The following FAM227B variants were observed in gnomAD, a reference collection of about 807,000 sequenced individuals.
FAM227B encodes the protein family with sequence similarity 227 member B.
In FAM227B, 88 loss-of-function variants were observed where a neutral mutation model predicts 73.8. The observed-to-expected ratio is 1.19, with a 90% CI of 1.00 to 1.42. FAM227B has a LOEUF of 1.42. Ranked by LOEUF, FAM227B falls within the 40% of genes most tolerant of loss-of-function variation. The pLI is 0.00. For missense variants in FAM227B, 632 were observed against 590.9 expected (o/e 1.07, Z -0.72); for synonymous variants, 210 against 190.5 (o/e 1.10, Z -0.84).
intron 13 of FAM227B, 118 bp from the exon 14 acceptor site, chr15:49,335,614 C>T (rs2039571971): frequency 1.6e-6 from 1 of 638,622 alleles, no homozygotes; most frequent in South Asian, 2.1e-5. Flanking sequence ...AATGAAGAGT[C>T]TCAAGTATAA....
At chr15:49,367,401 T>C (rs748839118) in intron 13 of FAM227B, 47 bp downstream of exon 13, 2 of 1,460,168 alleles carry the variant, frequency 1.4e-6, no homozygotes, top group Non-Finnish European at 1.8e-6. Context: ...GTTTTGAATA[T>C]TATTTTTGAA....
At chr15:49,566,820 A>G (rs577797968) in intron 9 of FAM227B, among the ~76,000 whole-genome samples, 23 of 152,260 alleles carry the variant, frequency 1.5e-4, no homozygotes, top group Non-Finnish European at 2.4e-4. Context: ...AACAACTTCT[A>G]ATTTCTTCTT....
At chr15:49,337,281 GT>G (rs1264261762) in intron 13 of FAM227B, among the ~76,000 whole-genome samples, 1 of 152,136 alleles carries the variant, frequency 6.6e-6, no homozygotes, top group African/African-American at 2.4e-5. Context: ...ACTTTTGACA[GT>G]GGCTGAACTA....
intron 1 of FAM227B, among the ~76,000 whole-genome samples, chr15:49,615,789 T>C (rs2078252056): frequency 1.3e-5 from 2 of 152,230 alleles, no homozygotes; most frequent in Non-Finnish European, 2.9e-5. Flanking sequence ...CTGGAGGTTC[T>C]ACTACGTCAC....
intron 10 of FAM227B, among the ~76,000 whole-genome samples, chr15:49,516,930 A>G (rs2059416263): frequency 6.6e-6 from 1 of 152,178 alleles, no homozygotes; most frequent in Non-Finnish European, 1.5e-5. Context: ...GTGATATGAG[A>G]TCAGACACTT....
chr15:49,565,306 C>T (rs181508418), intron 9 of FAM227B, among the ~76,000 whole-genome samples: 3 of 147,094 alleles, frequency 2.0e-5, no homozygotes, highest in Non-Finnish European at 4.5e-5. Context: ...CGCTTGAACC[C>T]GGGAGGCGGA....
At chr15:49,478,080 C>T (rs916412561) in intron 11 of FAM227B, among the ~76,000 whole-genome samples, 3 of 152,120 alleles carry the variant, frequency 2.0e-5, no homozygotes, top group Non-Finnish European at 2.9e-5. Flanking sequence ...ATCTACTCCC[C>T]GCCAGTAGTC....
intron 11 of FAM227B, among the ~76,000 whole-genome samples, chr15:49,496,497 A>G (rs2057620008): frequency 6.6e-6 from 1 of 152,228 alleles, no homozygotes; most frequent in South Asian, 2.1e-4. Context: ...ATCTAACAAT[A>G]CACTGCTTAA....
At chr15:49,501,225 C>T (rs903961136) in intron 11 of FAM227B, among the ~76,000 whole-genome samples, 21 of 152,112 alleles carry the variant, frequency 1.4e-4, no homozygotes, top group Non-Finnish European at 2.8e-4. Flanking sequence ...GTGTGGAAGG[C>T]TCAGAAGAAG....
intron 9 of FAM227B, among the ~76,000 whole-genome samples, chr15:49,562,515 A>C (rs2074338626): frequency 6.6e-6 from 1 of 151,390 alleles, no homozygotes; most frequent in South Asian, 2.1e-4. Context: ...AACCAACATC[A>C]CTCTGATACC....
intron 11 of FAM227B, among the ~76,000 whole-genome samples, chr15:49,422,166 G>A (rs1192439923): frequency 2.0e-4 from 9 of 45,740 alleles, no homozygotes; most frequent in African/African-American, 7.5e-4. Flanking sequence ...GTGTGTGTGC[G>A]CGCGCGCGCG....
At chr15:49,413,447 G>T (rs2049006242) in intron 11 of FAM227B, among the ~76,000 whole-genome samples, 1 of 152,054 alleles carries the variant, frequency 6.6e-6, no homozygotes, top group Admixed American at 6.6e-5. Flanking sequence ...AAATTGCCCA[G>T]TCTCGGGTAT....
intron 10 of FAM227B, among the ~76,000 whole-genome samples, chr15:49,527,977 CT>C (rs1304421286): frequency 2.0e-5 from 3 of 151,704 alleles, no homozygotes; most frequent in South Asian, 2.1e-4. Flanking sequence ...TTACTAATGT[CT>C]TTTTTTGACA....
intron 11 of FAM227B, among the ~76,000 whole-genome samples, chr15:49,417,782 T>G (rs1036059405): frequency 3.3e-5 from 5 of 152,074 alleles, no homozygotes; most frequent in Non-Finnish European, 7.4e-5. Context: ...ATGACAAACA[T>G]GCCAAAAGCA....
At chr15:49,582,800 T>C (rs2075897952) in intron 5 of FAM227B, among the ~76,000 whole-genome samples, 1 of 151,958 alleles carries the variant, frequency 6.6e-6, no homozygotes. Flanking sequence ...GCAATCAAAT[T>C]AGAAATTAAG....
rs149138097 is a variant in FAM227B at position 49,381,148 on chromosome 15, A to G, written c.1013-9749T>C. ...AGAGCAACAGCTCACTCATCACCAC[A>G]GGGATGGTGGTAAGCCATTCATGAA... On this transcript the variant is annotated intron_variant, in intron 11 of 15. Coordinates refer to ENST00000299338, the MANE Select transcript of FAM227B (RefSeq NM_152647.3). 3.4e-4 allele frequency among the ~76,000 whole-genome samples: 52 copies of G among 152,250 alleles called. No homozygotes were observed. In the East Asian group the frequency reaches 0.01, roughly 29 times the overall value.
chr15:49,395,807 T>C (rs2047543153), intron 11 of FAM227B, among the ~76,000 whole-genome samples: 1 of 152,208 alleles, frequency 6.6e-6, no homozygotes, highest in Admixed American at 6.5e-5. Context: ...ATTTTGAAGA[T>C]GTGTGGTATC....
intron 11 of FAM227B, among the ~76,000 whole-genome samples, chr15:49,475,772 G>A (rs2055206409): frequency 6.6e-6 from 1 of 152,146 alleles, no homozygotes; most frequent in Non-Finnish European, 1.5e-5. Context: ...TGAATCACCT[G>A]AGGTCAGGAG....
chr15:49,419,425 A>AC (rs887783414), intron 11 of FAM227B, among the ~76,000 whole-genome samples: 18 of 152,300 alleles, frequency 1.2e-4, no homozygotes, highest in African/African-American at 3.6e-4. Context: ...AGCATTTATG[A>AC]CTTTTTTCCC....
Sources: allele counts gnomAD v4.1 joint callset (sites outside exome capture counted in the v4.1 genomes callset), GRCh38; gene constraint gnomAD v4.1.1; transcripts MANE v1.5; gene names NCBI Gene and HGNC (gene_info 2026-07-23, HGNC 2026-07-21).